Variants in EIF3M observed in about 807,000 individuals in gnomAD.
EIF3M encodes eukaryotic translation initiation factor 3 subunit M.
In EIF3M, 25 loss-of-function variants were observed where a neutral mutation model predicts 49.7. That is an observed-to-expected ratio of 0.50 (90% CI 0.37 to 0.70). EIF3M has a LOEUF of 0.70. Ranked by LOEUF, EIF3M falls within the 30% of genes least tolerant of loss-of-function variation. The pLI, the probability that EIF3M is intolerant of heterozygous loss-of-function variation, is 0.00. For synonymous variants in EIF3M, 156 were observed against 149.8 expected, an observed-to-expected ratio of 1.04 and a Z score of -0.30; for missense variants, 350 against 440.0, an observed-to-expected ratio of 0.80 and a Z score of 1.83.
chr11:32,592,172 A>G (rs1855113049), intron 5 of EIF3M: 4 of 349,128 alleles, frequency 1.1e-5, no homozygotes, highest in South Asian at 7.2e-5. Flanking sequence ...GGCCAAAACT[A>G]CCATCTCCAA....
intron 5 of EIF3M, among the ~76,000 whole-genome samples, chr11:32,590,906 A>G (rs1029115078): frequency 2.6e-5 from 4 of 151,450 alleles, no homozygotes; most frequent in African/African-American, 9.7e-5. Context: ...GCTGGAGTGC[A>G]GTGGCGCAAT....
rs1231699218 is a variant in EIF3M, at chr11:32,603,070, T to G, written c.*671T>G. 2.1e-6 allele frequency: 3 copies of G among 1,448,534 alleles called. No individual in the cohort carries two copies. Among genetic ancestry groups the G allele is most frequent in the Non-Finnish European group, 2.8e-6 (3 of 1,057,842 alleles). The allele number at this position is 1,448,534 out of a possible 1,614,324, so 89.7% of individuals were successfully genotyped here. A position where few individuals can be genotyped will look rare whatever the true frequency, so the allele number is the denominator to read the frequency against. ...CTTCGAAATTATTATACAAAAGATT[T>G]TAAAGAGTCTGTAAAGCCTCTGCAG... On this transcript the variant is annotated 3_prime_UTR_variant, in exon 11 of 11. Transcript: ENST00000531120.
rs766922636 is a variant in EIF3M, at chr11:32,588,583, T to C, written c.176-11T>C. On this transcript the variant is annotated splice_polypyrimidine_tract_variant and intron_variant, in intron 2 of 10. Transcript: ENST00000531120. ...GTATCACTGTTGATTGTGTTATCCA[T>C]ACTTGTGTAGATGTTGAAAGTGTGA... 6 of 1,612,062 alleles carry C rather than the reference T, an allele frequency of 3.7e-6. No individual in the cohort carries two copies. In the South Asian group the frequency reaches 6.6e-5, roughly 18 times the overall value.
intron 5 of EIF3M, chr11:32,591,864 A>C (rs115517221): frequency 4.0e-6 from 1 of 247,092 alleles, no homozygotes; most frequent in Non-Finnish European, 8.3e-6. Flanking sequence ...CCTTTCATGC[A>C]TGGGTCCATA....
At chr11:32,599,906 C>A (rs1247750226) in intron 8 of EIF3M, among the ~76,000 whole-genome samples, 1 of 151,848 alleles carries the variant, frequency 6.6e-6, no homozygotes, top group Non-Finnish European at 1.5e-5. Context: ...CTGGGTAATT[C>A]CTTAAGTTTT....
At chr11:32,601,924 T>C (rs1487018986) in intron 10 of EIF3M, 102 bp downstream of exon 10, 2 of 1,199,296 alleles carry the variant, frequency 1.7e-6, no homozygotes, top group South Asian at 1.4e-5. Context: ...ATCACTTGAC[T>C]GTAGTTAAAT....
intron 4 of EIF3M, 150 bp downstream of exon 4, chr11:32,589,285 T>C (rs1676813053): frequency 8.1e-6 from 10 of 1,238,834 alleles, no homozygotes; most frequent in Non-Finnish European, 1.1e-5. Flanking sequence ...CAAGCAGTTC[T>C]CCTTCCTCTG....
At chr11:32,589,396 G>A (rs1855058113) in intron 4 of EIF3M, 151 bp from the exon 5 acceptor site, 9 of 860,626 alleles carry the variant, frequency 1.0e-5, no homozygotes, top group South Asian at 5.3e-5. Context: ...GGCTGGTCTC[G>A]AACTCCCGAC....
chr11:32,590,224 T>C (rs1293722135), intron 5 of EIF3M, among the ~76,000 whole-genome samples: 1 of 152,238 alleles, frequency 6.6e-6, no homozygotes, highest in East Asian at 1.9e-4. Flanking sequence ...GTGGACATTA[T>C]ATGAAATTCA....
At chr11:32,585,412 A>C (rs1401534994) in intron 1 of EIF3M, among the ~76,000 whole-genome samples, 1 of 152,212 alleles carries the variant, frequency 6.6e-6, no homozygotes, top group East Asian at 1.9e-4. Flanking sequence ...CGCTGTAGAC[A>C]GTCCTTTCAG....
Position 32,602,456 on chromosome 11 carries a change from CATT to C in EIF3M, c.*60_*62del. The C allele has an allele frequency of 3.8e-6, 6 of 1,560,618 alleles. No homozygotes were observed. On this transcript the variant is annotated 3_prime_UTR_variant, in exon 11 of 11. Transcript: ENST00000531120. ...AAAAAAGCCCTAAATCATAGTAAAACATTATAAACTAAAAAAATTTGCCTAGTC... is the reference window on the plus strand; with the variant it reads ...AAAAAAGCCCTAAATCATAGTAAAACATAAACTAAAAAAATTTGCCTAGTC...
In EIF3M at chr11:32,588,728, C is replaced by A; in HGVS notation, c.310C>A (p.Gln104Lys). 1 of 1,614,110 alleles carries A rather than the reference C, an allele frequency of 6.2e-7. No individual in the cohort carries two copies. The highest frequency in any genetic ancestry group is 8.5e-7 in the Non-Finnish European group (1 of 1,179,976). ...AGGTGAACGCCCGTCTCTGAGACTG[C>A]AGTTGTAAGTTAAGATCTGAAAGAA... Reference protein sequence around the residue: ...REGERPSLRLQLLSNLFHGMD... With the variant: ...REGERPSLRLKLLSNLFHGMD... The change falls in exon 3 of 11, where the codon CAG becomes AAG. Residue 104 changes from glutamine to lysine, a missense_variant. Coordinates refer to ENST00000531120, the MANE Select transcript of EIF3M (RefSeq NM_006360.6).
In EIF3M at chr11:32,588,687, T is replaced by C; in HGVS notation, c.269T>C (p.Leu90Pro). The C allele has an allele frequency of 6.2e-7, 1 of 1,614,228 alleles. No individual in the cohort carries two copies. Among genetic ancestry groups the C allele is most frequent in the Non-Finnish European group, 8.5e-7 (1 of 1,180,040 alleles). The change falls in exon 3 of 11, where the codon CTG becomes CCG. Residue 90 changes from leucine to proline, a missense_variant. Physicochemically the swap from Leu to Pro is moderately conservative, Grantham distance 98. Transcript: ENST00000531120. ...TTGATTGAAAGCCTATGTGAAAAGC[T>C]GGTCAAATTTCGCGAAGGTGAACGC... ...EALIESLCEK[L>P]VKFREGERPS...
intron 6 of EIF3M, 29 bp downstream of exon 6, chr11:32,593,978 T>G: frequency 7.1e-7 from 1 of 1,416,528 alleles, no homozygotes; most frequent in South Asian, 1.6e-5. Context: ...CTGATGAGGG[T>G]TTGACAGCGA....
At chr11:32,588,443 T>G (rs1855038289) in intron 2 of EIF3M, 151 bp from the exon 3 acceptor site, 4 of 651,592 alleles carry the variant, frequency 6.1e-6, no homozygotes, top group Non-Finnish European at 9.0e-6. Flanking sequence ...ATTTCCTTCC[T>G]CTTTAATAAA....
At chr11:32,585,458 G>C (rs1358480368) in intron 1 of EIF3M, among the ~76,000 whole-genome samples, 1 of 152,106 alleles carries the variant, frequency 6.6e-6, no homozygotes, top group African/African-American at 2.4e-5. Context: ...GTTTAACTTT[G>C]GTGAAATTCT....
chr11:32,584,396 A>T (rs1590508038), intron 1 of EIF3M: 1 of 167,204 alleles, frequency 6.0e-6, no homozygotes, highest in East Asian at 1.8e-4. Context: ...TCACGAGGTC[A>T]GGAGATCGAG....
chr11:32,584,901 C>G (rs917716926), intron 1 of EIF3M, among the ~76,000 whole-genome samples: 1 of 152,168 alleles, frequency 6.6e-6, no homozygotes, highest in Non-Finnish European at 1.5e-5. Context: ...GAGTTGAACA[C>G]GACATCGTAT....
chr11:32,589,725 T>A, intron 5 of EIF3M, 84 bp downstream of exon 5: 1 of 1,219,602 alleles, frequency 8.2e-7, no homozygotes, highest in Non-Finnish European at 1.2e-6. Context: ...GTAGGGCCAG[T>A]AATTTTGCTT....
Sources: allele counts gnomAD v4.1 joint callset (sites outside exome capture counted in the v4.1 genomes callset), GRCh38; gene constraint gnomAD v4.1.1; transcripts MANE v1.5; gene names NCBI Gene and HGNC (gene_info 2026-07-23, HGNC 2026-07-21).